ARHGEF7: variants seen among roughly 807,000 people sequenced by gnomAD.
ARHGEF7 encodes the protein Rho guanine nucleotide exchange factor 7, also known as PAK-interacting exchange factor beta.
Under a neutral mutation model 109.8 loss-of-function variants are expected in ARHGEF7, and 33 were observed. The ratio of observed to expected loss-of-function variants is 0.30; its 90% CI spans 0.23 to 0.40. The LOEUF (loss-of-function observed/expected upper bound fraction) is 0.40, where lower values mean the gene tolerates loss of function less well. Ranked by LOEUF, ARHGEF7 falls within the 10% of genes least tolerant of loss-of-function variation. ARHGEF7 has a pLI of 1.00. For synonymous variants in ARHGEF7, 458 were observed against 424.6 expected (o/e 1.08, Z -0.97); for missense variants, 938 against 1,098.5 (o/e 0.85, Z 2.07).
intron 10 of ARHGEF7, among the ~76,000 whole-genome samples, 156 bp downstream of exon 10, chr13:111,274,108 A>G (rs2092342514): frequency 6.6e-6 from 1 of 152,186 alleles, no homozygotes; most frequent in Non-Finnish European, 1.5e-5. Context: ...TTTTCTCCTT[A>G]TTCCAGCTCT....
intron 2 of ARHGEF7, among the ~76,000 whole-genome samples, chr13:111,189,129 CACCTGAAGGCTTCCAAGGCTTCTG>C (rs2079569778): frequency 6.6e-6 from 1 of 152,230 alleles, no homozygotes; most frequent in Non-Finnish European, 1.5e-5. Context: ...TTGGCTGGAA[CACCTGAAGGCTTCCAAGGCTTCTG>C]CTTAGAACCA....
intron 13 of ARHGEF7, among the ~76,000 whole-genome samples, chr13:111,279,274 T>G (rs1261067434): frequency 6.6e-6 from 1 of 152,108 alleles, no homozygotes; most frequent in Non-Finnish European, 1.5e-5. Context: ...GGATGAGATT[T>G]CTCAGCCTGG....
intron 2 of ARHGEF7, among the ~76,000 whole-genome samples, chr13:111,196,258 A>C (rs1167575918): frequency 6.6e-6 from 1 of 152,152 alleles, no homozygotes; most frequent in Non-Finnish European, 1.5e-5. Flanking sequence ...CCATGATCTG[A>C]GTTGAGTCCC....
chr13:111,249,260 G>A (rs1169846264), intron 8 of ARHGEF7, among the ~76,000 whole-genome samples: 5 of 152,188 alleles, frequency 3.3e-5, no homozygotes, highest in Non-Finnish European at 4.4e-5. Context: ...TGCCCTGCCC[G>A]TTCTTTTTTC....
intron 4 of ARHGEF7, among the ~76,000 whole-genome samples, chr13:111,215,273 G>GC (rs1423078725): frequency 1.3e-5 from 2 of 152,150 alleles, no homozygotes; most frequent in Non-Finnish European, 2.9e-5. Context: ...GTCCTGCGGG[G>GC]CTGAGGGGGC....
chr13:111,186,149 T>C (rs1030293965), intron 2 of ARHGEF7, among the ~76,000 whole-genome samples: 10 of 152,096 alleles, frequency 6.6e-5, no homozygotes, highest in African/African-American at 1.9e-4. Flanking sequence ...CCCTGCCTCG[T>C]GTGGAGGTTG....
At chr13:111,156,306 AG>A (rs1385628983) in intron 2 of ARHGEF7, among the ~76,000 whole-genome samples, 2 of 152,290 alleles carry the variant, frequency 1.3e-5, no homozygotes, top group African/African-American at 4.8e-5. Flanking sequence ...AATGAACTTG[AG>A]GTTGTAAGTG....
At chr13:111,158,622 A>T (rs2076522803) in intron 2 of ARHGEF7, among the ~76,000 whole-genome samples, 1 of 152,174 alleles carries the variant, frequency 6.6e-6, no homozygotes, top group East Asian at 1.9e-4. Flanking sequence ...TCACCCTTGG[A>T]AGTTTTTGGT....
intron 19 of ARHGEF7, chr13:111,293,436 TAAA>T (rs11319592): frequency 2.0e-4 from 183 of 908,440 alleles, no homozygotes; most frequent in Middle Eastern, 1.1e-3. Flanking sequence ...CTCACTTATT[TAAA>T]AAAAAAAAAA....
intron 1 of ARHGEF7, among the ~76,000 whole-genome samples, chr13:111,121,643 G>A (rs2153319445): frequency 6.6e-6 from 1 of 152,302 alleles, no homozygotes; most frequent in South Asian, 2.1e-4. Context: ...TCATCCCTTT[G>A]GGCACGCAAC....
At chr13:111,256,097 A>G (rs115479108) in intron 8 of ARHGEF7, among the ~76,000 whole-genome samples, 1,874 of 152,298 alleles carry the variant, frequency 0.012, 30 homozygotes, top group African/African-American at 0.043. Context: ...AATGGTAGAA[A>G]ACAACCAAAT....
At chr13:111,128,959 C>T (rs2067761146) in intron 1 of ARHGEF7, among the ~76,000 whole-genome samples, 2 of 152,154 alleles carry the variant, frequency 1.3e-5, no homozygotes, top group Admixed American at 6.5e-5. Flanking sequence ...ACTTGGTTTC[C>T]AGGGTTTTCA....
intron 2 of ARHGEF7, among the ~76,000 whole-genome samples, chr13:111,161,767 T>G (rs2061473833): frequency 6.6e-6 from 1 of 152,212 alleles, no homozygotes; most frequent in East Asian, 1.9e-4. Context: ...ATTGCAAATA[T>G]GTAAATATAT....
intron 1 of ARHGEF7, among the ~76,000 whole-genome samples, chr13:111,141,412 T>C (rs1349560720): frequency 6.6e-6 from 1 of 151,950 alleles, no homozygotes; most frequent in African/African-American, 2.4e-5. Context: ...TTGCAAAGGC[T>C]ACAGATGAAG....
chr13:111,142,653 T>C (rs1254378110), intron 1 of ARHGEF7, among the ~76,000 whole-genome samples: 1 of 152,194 alleles, frequency 6.6e-6, no homozygotes, highest in Non-Finnish European at 1.5e-5. Flanking sequence ...CTCTCACCTC[T>C]CTCTCTAGGG....
intron 5 of ARHGEF7, among the ~76,000 whole-genome samples, chr13:111,221,652 T>C (rs2084410406): frequency 7.1e-6 from 1 of 141,298 alleles, no homozygotes; most frequent in Non-Finnish European, 1.5e-5. Context: ...TTTATATATA[T>C]ATATAACATG....
At chr13:111,269,884 C>T (rs2091996136) in intron 9 of ARHGEF7, among the ~76,000 whole-genome samples, 1 of 152,210 alleles carries the variant, frequency 6.6e-6, no homozygotes, top group Non-Finnish European at 1.5e-5. Flanking sequence ...TACTTGGATT[C>T]TTTCTTGGTC....
chr13:111,160,787 C>G (rs910098441), intron 2 of ARHGEF7, among the ~76,000 whole-genome samples: 28 of 152,212 alleles, frequency 1.8e-4, no homozygotes, highest in Non-Finnish European at 5.9e-5. Flanking sequence ...ATAAGGGGCT[C>G]CTCCCCCTTT....
rs2090319207 is a variant in ARHGEF7 at position 111,255,510 on chromosome 13, A to G, written c.950+11216A>G. Among the ~76,000 whole-genome samples the G allele has an allele frequency of 6.6e-6, 1 of 152,160 alleles. No individual in the cohort carries two copies. The highest frequency in any genetic ancestry group is 2.4e-5 in the African/African-American group (1 of 41,426). The stretch of plus-strand genomic sequence containing the variant: ...CTGGTACTTACGGAACCATCTGCAA[A>G]TGCTCGGGGCCCTACTTGGCGTCTG... On this transcript the variant is annotated intron_variant, in intron 8 of 21. Coordinates refer to ENST00000646102, the MANE Select transcript of ARHGEF7 (RefSeq NM_001354046.2). The surrounding 1 kb of genome is among the most constrained non-coding windows in gnomAD (Gnocchi z 4.1).
Sources: allele counts gnomAD v4.1 joint callset (sites outside exome capture counted in the v4.1 genomes callset), GRCh38; gene constraint gnomAD v4.1.1; non-coding constraint Gnocchi (gnomAD v3.1); transcripts MANE v1.5; gene names NCBI Gene and HGNC (gene_info 2026-07-23, HGNC 2026-07-21).